Variants in CORO1C observed in about 807,000 individuals in gnomAD.
CORO1C encodes coronin-1C.
CORO1C carries 14 observed loss-of-function variants against 51.2 expected under a neutral mutation model. The ratio of observed to expected loss-of-function variants is 0.27; its 90% CI spans 0.18 to 0.43. The LOEUF is 0.43. CORO1C is among the 20% of genes least tolerant of loss of function. The probability of loss-of-function intolerance (pLI) is 1.00; values close to 1 mark genes in which losing one functional copy is unlikely to be tolerated. For synonymous variants in CORO1C, 181 were observed against 210.5 expected (o/e 0.86, Z 1.21); for missense variants, 417 against 607.8 (o/e 0.69, Z 3.30).
chr12:108,688,659 C>A (rs186644330), intron 2 of CORO1C, among the ~76,000 whole-genome samples: 7 of 152,272 alleles, frequency 4.6e-5, no homozygotes, highest in Admixed American at 2.6e-4. Flanking sequence ...GTAATCCCAG[C>A]ACTTTGAGAG....
At chr12:108,666,551 C>T (rs1449264228) in intron 3 of CORO1C, among the ~76,000 whole-genome samples, 1 of 152,176 alleles carries the variant, frequency 6.6e-6, no homozygotes, top group Non-Finnish European at 1.5e-5. Flanking sequence ...GGGTTGTCTG[C>T]TACTCTGGGT....
intron 1 of CORO1C, among the ~76,000 whole-genome samples, chr12:108,715,742 A>G (rs2035314994): frequency 6.6e-6 from 1 of 151,038 alleles, no homozygotes; most frequent in Non-Finnish European, 1.5e-5. Flanking sequence ...CTCTTCAAAG[A>G]GCAGAACACA....
chr12:108,720,116 G>A (rs2035440979), intron 1 of CORO1C, among the ~76,000 whole-genome samples: 2 of 152,184 alleles, frequency 1.3e-5, no homozygotes, highest in South Asian at 4.2e-4. Flanking sequence ...AGCCTGGGAG[G>A]GCGACGCTGC....
intron 2 of CORO1C, among the ~76,000 whole-genome samples, chr12:108,688,163 A>G (rs946868088): frequency 1.3e-5 from 2 of 152,102 alleles, no homozygotes; most frequent in African/African-American, 2.4e-5. Flanking sequence ...TGCCCACCTC[A>G]GCCTCCCAAA....
intron 3 of CORO1C, among the ~76,000 whole-genome samples, chr12:108,667,729 G>C (rs2033540379): frequency 6.6e-6 from 1 of 151,980 alleles, no homozygotes; most frequent in South Asian, 2.1e-4. Flanking sequence ...CAGTTCCAAG[G>C]GCTCCTACAT....
At chr12:108,718,414 T>C (rs1193892939) in intron 1 of CORO1C, among the ~76,000 whole-genome samples, 1 of 149,498 alleles carries the variant, frequency 6.7e-6, no homozygotes, top group Non-Finnish European at 1.5e-5. Context: ...TGGTGGCACA[T>C]GCCTGTAATC....
At chr12:108,683,466 A>AGT (rs2034195628) in intron 2 of CORO1C, among the ~76,000 whole-genome samples, 1 of 151,928 alleles carries the variant, frequency 6.6e-6, no homozygotes, top group African/African-American at 2.4e-5. Context: ...AAAAAAAATA[A>AGT]ATAACAAAAT....
At chr12:108,667,472 G>C (rs1423615957) in intron 3 of CORO1C, among the ~76,000 whole-genome samples, 1 of 152,166 alleles carries the variant, frequency 6.6e-6, no homozygotes, top group Non-Finnish European at 1.5e-5. Flanking sequence ...GAGAGTACAA[G>C]TTATCCCTAC....
intron 8 of CORO1C, chr12:108,652,055 C>CTTTTTTTTTTTTTTTT (rs202228272): frequency 7.0e-6 from 1 of 142,348 alleles, no homozygotes; most frequent in Non-Finnish European, 1.3e-5. Flanking sequence ...TTTTTCTTTT[C>CTTTTTTTTTTTTTTTT]TTTTTTTTTT....
At chr12:108,660,643 C>T (rs1224519955) in intron 4 of CORO1C, among the ~76,000 whole-genome samples, 1 of 152,092 alleles carries the variant, frequency 6.6e-6, no homozygotes, top group Non-Finnish European at 1.5e-5. Flanking sequence ...CGACAATCAC[C>T]CATTCTCCTT....
At chr12:108,681,799 T>C (rs1255917258) in intron 2 of CORO1C, among the ~76,000 whole-genome samples, 1 of 152,126 alleles carries the variant, frequency 6.6e-6, no homozygotes, top group Non-Finnish European at 1.5e-5. Context: ...TAGAAAGGTA[T>C]AGCAAAACAA....
Position 108,701,109 on chromosome 12 carries a change from G to A in CORO1C, c.195+15C>T, listed in dbSNP as rs139529616. 7.1e-5 allele frequency: 114 copies of A among 1,613,686 alleles called. 1 individual carries two copies. In the East Asian group the frequency reaches 1.9e-3, roughly 27 times the overall value. ...TCAGAGGGTGTCTACCAGAATGGAA[G>A]ATCAAATTACCTACCTTGTGCAGAG... On this transcript the variant is annotated intron_variant, in intron 2 of 10. Transcript: ENST00000261401.
intron 3 of CORO1C, among the ~76,000 whole-genome samples, chr12:108,663,444 G>A (rs968801216): frequency 6.6e-6 from 1 of 152,228 alleles, no homozygotes; most frequent in Non-Finnish European, 1.5e-5. Context: ...TCCATCTATC[G>A]ATAAATGGCT....
At chr12:108,703,642 T>A (rs2034943113) in intron 1 of CORO1C, among the ~76,000 whole-genome samples, 1 of 152,114 alleles carries the variant, frequency 6.6e-6, no homozygotes, top group Admixed American at 6.6e-5. Flanking sequence ...AAGACAGGGA[T>A]GTGGGAGAGG....
chr12:108,694,676 A>G lies in CORO1C; in HGVS notation c.195+6448T>C, dbSNP rs369220252. On this transcript the variant is annotated intron_variant, in intron 2 of 10. Transcript: ENST00000261401. ...AGGTTATATGAAGGTACCATGGAAT[A>G]CAGGATAACAAAATCTTGCCATATA... Among the ~76,000 whole-genome samples the G allele has an allele frequency of 3.9e-5, 6 of 152,238 alleles. No individual in the cohort carries two copies. In the East Asian group the frequency reaches 5.8e-4, roughly 15 times the overall value.
Position 108,662,086 on chromosome 12 carries a change from T to C in CORO1C, c.391A>G (p.Lys131Glu). The change falls in exon 4 of 11, where the codon AAG becomes GAG. Residue 131 changes from lysine (K) to glutamate (E), a missense_variant. Transcript: ENST00000261401. ...TGCCAAGCCACGATGCCGACTCTCT[T>C]TGAGTGGCCTTCCAAAATCACCACA... ...EPVVILEGHS[K>E]RVGIVAWHPT... 1 of 1,614,004 alleles carries C rather than the reference T, an allele frequency of 6.2e-7. No homozygotes were observed. Among genetic ancestry groups the C allele is most frequent in the Non-Finnish European group, 8.5e-7 (1 of 1,179,916 alleles).
intron 1 of CORO1C, among the ~76,000 whole-genome samples, chr12:108,725,482 G>GA (rs1433801455): frequency 1.3e-5 from 2 of 152,320 alleles, no homozygotes; most frequent in African/African-American, 4.8e-5. Flanking sequence ...TACAGAGGAG[G>GA]AAAGTGAAGC....
intron 2 of CORO1C, among the ~76,000 whole-genome samples, chr12:108,700,586 C>A (rs2136864706): frequency 6.6e-6 from 1 of 151,876 alleles, no homozygotes; most frequent in Middle Eastern, 3.4e-3. Flanking sequence ...CTGAAACTTA[C>A]TATTGTCCAG....
intron 1 of CORO1C, among the ~76,000 whole-genome samples, chr12:108,727,169 C>A (rs2035613457): frequency 6.6e-6 from 1 of 152,234 alleles, no homozygotes; most frequent in South Asian, 2.1e-4. Context: ...TGCTCTATTG[C>A]ATTCTGCCTT....
Sources: gnomAD v4.1 joint callset for allele counts (sites outside exome capture counted in the v4.1 genomes callset) on GRCh38, gnomAD v4.1.1 for gene constraint, MANE v1.5 for transcripts, NCBI Gene and HGNC (gene_info 2026-07-23, HGNC 2026-07-21) for gene names.